Variants in SLC22A15 observed in about 807,000 individuals in gnomAD.
SLC22A15 encodes flipt 1.
SLC22A15 carries 45 observed loss-of-function variants against 62.7 expected under a neutral mutation model. The ratio of observed to expected loss-of-function variants is 0.72; its 90% confidence interval spans 0.56 to 0.92. The LOEUF (loss-of-function observed/expected upper bound fraction) is 0.92. Ranked by LOEUF, SLC22A15 falls within the 40% of genes least tolerant of loss-of-function variation. SLC22A15 has a pLI of 0.00. For missense variants in SLC22A15, 622 were observed against 665.6 expected, an observed-to-expected ratio of 0.93 and a Z score of 0.72; for synonymous variants, 264 against 267.0, an observed-to-expected ratio of 0.99 and a Z score of 0.11.
intron 6 of SLC22A15, among the ~76,000 whole-genome samples, chr1:116,034,130 A>G (rs1657544487): frequency 6.6e-6 from 1 of 152,158 alleles, no homozygotes; most frequent in Non-Finnish European, 1.5e-5. Flanking sequence ...CCCCTTAATA[A>G]ACACTGATCA....
At chr1:116,056,509 C>T (rs548758858) in intron 8 of SLC22A15, among the ~76,000 whole-genome samples, 3 of 151,020 alleles carry the variant, frequency 2.0e-5, no homozygotes, top group Admixed American at 6.6e-5. Flanking sequence ...CAATGCCATC[C>T]CCATCAAGCT....
chr1:115,978,070 G>A (rs367850608), intron 1 of SLC22A15, among the ~76,000 whole-genome samples: 3 of 152,238 alleles, frequency 2.0e-5, no homozygotes, highest in Middle Eastern at 3.4e-3. Context: ...ATTTAATACC[G>A]AGAAAGAAGA....
intron 9 of SLC22A15, 111 bp downstream of exon 9, chr1:116,062,993 C>T: frequency 2.2e-6 from 3 of 1,388,068 alleles, no homozygotes; most frequent in East Asian, 4.7e-5. Context: ...TAGTTTGGGG[C>T]AGCAGTAATT....
At chr1:116,039,384 T>C (rs1168857666) in intron 8 of SLC22A15, among the ~76,000 whole-genome samples, 1 of 151,932 alleles carries the variant, frequency 6.6e-6, no homozygotes, top group Non-Finnish European at 1.5e-5. Flanking sequence ...AATACAAAAA[T>C]TAGTTGGGCA....
In SLC22A15 at chr1:116,019,720, C is replaced by T. The variant is rs757394879; in HGVS notation, c.433+6C>T. On this transcript the variant is annotated splice_donor_region_variant and intron_variant, in intron 3 of 11. Transcript: ENST00000369503. The stretch of plus-strand genomic sequence containing the variant: ...GAAAAAAGTCTATCTCACAGGTAAT[C>T]TATTAGAGTATTCATAAACTGGATG... The T allele has an allele frequency of 2.2e-5, 35 of 1,603,390 alleles. No individual in the cohort carries two copies. In the South Asian group the frequency reaches 3.6e-4, roughly 17 times the overall value.
At chr1:116,058,408 CA>C (rs1470664854) in intron 8 of SLC22A15, among the ~76,000 whole-genome samples, 2 of 152,174 alleles carry the variant, frequency 1.3e-5, no homozygotes, top group African/African-American at 4.8e-5. Flanking sequence ...ATGAAAGCCA[CA>C]GTGCGATACC....
chr1:116,027,416 C>CTATCATATTGGAT (rs1657149183), intron 5 of SLC22A15: 1 of 501,012 alleles, frequency 2.0e-6, no homozygotes, highest in East Asian at 5.6e-5. Context: ...GACAACTGTT[C>CTATCATATTGGAT]ATCCTACAGA....
At chr1:116,000,625 C>CTTTTTTTTTTTTTTT (rs56303802) in intron 2 of SLC22A15, among the ~76,000 whole-genome samples, 1 of 88,214 alleles carries the variant, frequency 1.1e-5, no homozygotes, top group Non-Finnish European at 2.2e-5. Flanking sequence ...CTTTTTTTTC[C>CTTTTTTTTTTTTTTT]TTTTTTTTTT....
intron 8 of SLC22A15, among the ~76,000 whole-genome samples, chr1:116,038,113 G>A (rs1030596159): frequency 6.6e-6 from 1 of 152,096 alleles, no homozygotes; most frequent in African/African-American, 2.4e-5. Context: ...TTTTGGCCGT[G>A]ATTTTCTAGA....
chr1:115,986,172 T>G (rs1411296098), intron 1 of SLC22A15, among the ~76,000 whole-genome samples: 1 of 152,068 alleles, frequency 6.6e-6, no homozygotes, highest in Admixed American at 6.5e-5. Context: ...GAGCAAAAAT[T>G]AGCTAACAGA....
chr1:116,022,906 C>A (rs1656911680), intron 4 of SLC22A15, among the ~76,000 whole-genome samples: 2 of 152,190 alleles, frequency 1.3e-5, no homozygotes, highest in African/African-American at 4.8e-5. Flanking sequence ...GCACCTGGAA[C>A]TTTTTTTGAG....
chr1:116,066,786 A>G, intron 11 of SLC22A15, 78 bp downstream of exon 11: 1 of 1,378,668 alleles, frequency 7.3e-7, no homozygotes, highest in Non-Finnish European at 9.8e-7. Context: ...GTTAAATTAA[A>G]TAGAACTGAG....
chr1:116,032,202 C>G, intron 6 of SLC22A15: 1 of 985,398 alleles, frequency 1.0e-6, no homozygotes, highest in Non-Finnish European at 1.2e-6. Flanking sequence ...TCCCACCTAC[C>G]TTTCAAAATG....
At chr1:116,044,897 A>G (rs945402008) in intron 8 of SLC22A15, among the ~76,000 whole-genome samples, 10 of 152,210 alleles carry the variant, frequency 6.6e-5, no homozygotes, top group African/African-American at 2.4e-4. Flanking sequence ...AATAGCAATA[A>G]TAATAAATAA....
chr1:116,019,715 GT>G lies in SLC22A15; in HGVS notation c.433+2del. The G allele has an allele frequency of 6.2e-7, 1 of 1,610,402 alleles. No individual in the cohort carries two copies. Among genetic ancestry groups the G allele is most frequent in the Non-Finnish European group, 8.5e-7 (1 of 1,179,042 alleles). ...GGAAGGAAAAAAGTCTATCTCACAG[GT>G]AATCTATTAGAGTATTCATAAACTG... On this transcript the variant is annotated splice_donor_variant, in intron 3 of 11. Transcript: ENST00000369503. LOFTEE classifies it high-confidence loss of function.
At chr1:116,048,207 C>T (rs1485981537) in intron 8 of SLC22A15, among the ~76,000 whole-genome samples, 4 of 152,128 alleles carry the variant, frequency 2.6e-5, no homozygotes, top group African/African-American at 9.7e-5. Context: ...GAGACCTAGA[C>T]ATCCAAATAC....
intron 10 of SLC22A15, 135 bp from the exon 11 acceptor site, chr1:116,066,385 C>CT: frequency 1.5e-6 from 1 of 683,700 alleles, no homozygotes; most frequent in South Asian, 2.1e-5. Context: ...AAAGAAGTGG[C>CT]TTATAGTGTT....
intron 2 of SLC22A15, among the ~76,000 whole-genome samples, chr1:116,006,368 G>C (rs975355014): frequency 3.9e-5 from 6 of 152,104 alleles, no homozygotes; most frequent in African/African-American, 1.4e-4. Context: ...GAAGACAGAA[G>C]GAAGGGTGAA....
chr1:116,019,749 G>C (rs1345103480), intron 3 of SLC22A15, 35 bp downstream of exon 3: 1 of 1,583,548 alleles, frequency 6.3e-7, no homozygotes, highest in East Asian at 2.2e-5. Flanking sequence ...CTGGATGAGA[G>C]GGCTTATTTC....
Sources: gnomAD v4.1 joint callset for allele counts (sites outside exome capture counted in the v4.1 genomes callset) on GRCh38, gnomAD v4.1.1 for gene constraint, MANE v1.5 for transcripts, NCBI Gene and HGNC (gene_info 2026-07-23, HGNC 2026-07-21) for gene names.